The following KCNQ5 variants were observed in gnomAD, a reference collection of about 807,000 sequenced individuals.
The protein encoded by KCNQ5 is potassium voltage-gated channel subfamily KQT member 5.
In KCNQ5, 30 loss-of-function variants were observed where a neutral mutation model predicts 98.2. The ratio of observed to expected loss-of-function variants is 0.31; its 90% confidence interval spans 0.23 to 0.41. KCNQ5 has a LOEUF of 0.41. Ranked by LOEUF, KCNQ5 falls within the 10% of genes least tolerant of loss-of-function variation. KCNQ5 has a pLI of 1.00. For missense variants in KCNQ5, 835 were observed against 1,182.5 expected (o/e 0.71, Z 4.31); for synonymous variants, 458 against 449.4 (o/e 1.02, Z -0.24).
intron 1 of KCNQ5, among the ~76,000 whole-genome samples, chr6:72,706,580 G>A (rs906769602): frequency 3.3e-5 from 5 of 152,002 alleles, no homozygotes; most frequent in African/African-American, 7.2e-5. Context: ...ATCACTTCTC[G>A]ATATTGGCTT....
chr6:72,919,153 A>ACGAGGTGGCCTTGCAT (rs1780287314), intron 1 of KCNQ5, among the ~76,000 whole-genome samples: 1 of 152,166 alleles, frequency 6.6e-6, no homozygotes, highest in South Asian at 2.1e-4. Flanking sequence ...CAACCAATGG[A>ACGAGGTGGCCTTGCAT]CGAGGTGGCC....
intron 1 of KCNQ5, among the ~76,000 whole-genome samples, chr6:72,968,670 T>C (rs951548663): frequency 1.3e-5 from 2 of 152,242 alleles, no homozygotes; most frequent in Admixed American, 6.5e-5. Flanking sequence ...TCCAGAGATA[T>C]TCTCCTAAAA....
At chr6:72,929,712 C>T (rs1765604918) in intron 1 of KCNQ5, among the ~76,000 whole-genome samples, 15 of 151,894 alleles carry the variant, frequency 9.9e-5, no homozygotes, top group Admixed American at 9.9e-4. Context: ...AGAAAATGGT[C>T]CAAGATAAGA....
intron 2 of KCNQ5, among the ~76,000 whole-genome samples, chr6:73,023,007 T>C (rs1770674255): frequency 1.3e-5 from 2 of 152,170 alleles, no homozygotes. Flanking sequence ...TGATCAAATT[T>C]GGTTTTGAGA....
chr6:73,122,081 C>T (rs749713946), intron 8 of KCNQ5, among the ~76,000 whole-genome samples: 3 of 152,132 alleles, frequency 2.0e-5, no homozygotes, highest in Non-Finnish European at 2.9e-5. Context: ...GAGTTTAAGA[C>T]CCTTTCAACA....
At chr6:73,022,297 A>G (rs1562131712) in intron 2 of KCNQ5, among the ~76,000 whole-genome samples, 1 of 152,128 alleles carries the variant, frequency 6.6e-6, no homozygotes, top group African/African-American at 2.4e-5. Context: ...CTCACATGAT[A>G]CTTTTGTTTT....
chr6:73,086,458 C>A (rs1170508103), intron 5 of KCNQ5, among the ~76,000 whole-genome samples: 1 of 152,036 alleles, frequency 6.6e-6, no homozygotes, highest in Non-Finnish European at 1.5e-5. Context: ...ATCAGGAAGC[C>A]GCCACCCCTT....
At chr6:72,978,662 AAC>A (rs1258381526) in intron 1 of KCNQ5, among the ~76,000 whole-genome samples, 9 of 152,120 alleles carry the variant, frequency 5.9e-5, no homozygotes, top group Non-Finnish European at 1.2e-4. Flanking sequence ...TAGATAAAGA[AAC>A]ACAGAAGTTA....
At chr6:72,999,366 G>A (rs1256148621) in intron 1 of KCNQ5, among the ~76,000 whole-genome samples, 1 of 151,902 alleles carries the variant, frequency 6.6e-6, no homozygotes, top group Non-Finnish European at 1.5e-5. Flanking sequence ...ATAAGTTTTG[G>A]ATAAAAGATC....
At chr6:73,087,005 C>A (rs1398591216) in intron 5 of KCNQ5, among the ~76,000 whole-genome samples, 1 of 152,146 alleles carries the variant, frequency 6.6e-6, no homozygotes, top group African/African-American at 2.4e-5. Flanking sequence ...GTGCAGTGAG[C>A]AAGGGTAAAA....
intron 1 of KCNQ5, among the ~76,000 whole-genome samples, chr6:72,790,132 G>C (rs1773961819): frequency 6.6e-6 from 1 of 152,190 alleles, no homozygotes. Context: ...TTAAAGCAAT[G>C]CTGTTGATGC....
At chr6:72,639,615 A>G (rs1392647801) in intron 1 of KCNQ5, among the ~76,000 whole-genome samples, 2 of 152,196 alleles carry the variant, frequency 1.3e-5, no homozygotes, top group Admixed American at 1.3e-4. Flanking sequence ...GAATGAAACC[A>G]GGGATATCTG....
intron 10 of KCNQ5, among the ~76,000 whole-genome samples, chr6:73,159,982 G>T (rs918446217): frequency 6.7e-6 from 1 of 148,768 alleles, no homozygotes; most frequent in African/African-American, 2.6e-5. Flanking sequence ...AAGTGTTTCC[G>T]CTATGGTTTT....
intron 10 of KCNQ5, among the ~76,000 whole-genome samples, chr6:73,142,003 G>A (rs1186328732): frequency 6.6e-6 from 1 of 152,122 alleles, no homozygotes; most frequent in Non-Finnish European, 1.5e-5. Flanking sequence ...TGCTGGGAGA[G>A]GACCCATTAC....
intron 1 of KCNQ5, among the ~76,000 whole-genome samples, chr6:72,713,934 T>G (rs1200184020): frequency 6.6e-6 from 1 of 152,234 alleles, no homozygotes; most frequent in Admixed American, 6.5e-5. Flanking sequence ...GAGAGAGTTA[T>G]GCACTTCCAT....
At chr6:72,693,230 A>G (rs1452279768) in intron 1 of KCNQ5, among the ~76,000 whole-genome samples, 1 of 152,164 alleles carries the variant, frequency 6.6e-6, no homozygotes, top group Non-Finnish European at 1.5e-5. Context: ...TGAATATGAA[A>G]AAGAGGAGAA....
At chr6:72,843,678 G>A (rs1434478204) in intron 1 of KCNQ5, among the ~76,000 whole-genome samples, 1 of 152,100 alleles carries the variant, frequency 6.6e-6, no homozygotes. Flanking sequence ...ATTTGACCCA[G>A]CAATCCCATT....
At chr6:72,655,856 G>A (rs1353551698) in intron 1 of KCNQ5, among the ~76,000 whole-genome samples, 1 of 152,124 alleles carries the variant, frequency 6.6e-6, no homozygotes, top group Admixed American at 6.6e-5. Context: ...AATGGCAATT[G>A]GAGAAACTGG....
At chr6:72,735,316 C>A (rs1488766954) in intron 1 of KCNQ5, among the ~76,000 whole-genome samples, 2 of 152,100 alleles carry the variant, frequency 1.3e-5, no homozygotes, top group Admixed American at 6.5e-5. Context: ...TCAGCAGAAT[C>A]CAATATGAAA....
Sources: allele counts gnomAD v4.1 joint callset (sites outside exome capture counted in the v4.1 genomes callset), GRCh38; gene constraint gnomAD v4.1.1; transcripts MANE v1.5; gene names NCBI Gene and HGNC (gene_info 2026-07-23, HGNC 2026-07-21).